LDLRAD2: variants seen among roughly 807,000 people sequenced by gnomAD.
LDLRAD2 encodes the protein low-density lipoprotein receptor class A domain-containing protein 2.
Under a neutral mutation model 24.9 loss-of-function variants are expected in LDLRAD2, and 25 were observed. The ratio of observed to expected loss-of-function variants is 1.00; its 90% CI spans 0.73 to 1.40. The LOEUF (loss-of-function observed/expected upper bound fraction) is 1.40. Ranked by LOEUF, LDLRAD2 falls within the 40% of genes most tolerant of loss-of-function variation. LDLRAD2 has a pLI of 0.00. For missense variants in LDLRAD2, 391 were observed against 366.2 expected (o/e 1.07, Z -0.55); for synonymous variants, 182 against 166.7 (o/e 1.09, Z -0.71).
rs113946932 is a variant in LDLRAD2 at position 21,822,573 on chromosome 1, G to A, written c.*358G>A. On this transcript the variant is annotated 3_prime_UTR_variant, in exon 5 of 5. Coordinates refer to ENST00000344642, the MANE Select transcript of LDLRAD2 (RefSeq NM_001013693.3). ...ATGTGGCCTGGGGTGGGCGGGGCCC[G>A]GTGGGCGGGGCCCTATCAGTGCTGG... is the stretch of plus-strand genomic sequence containing the variant. 13 of 320,112 alleles carry A rather than the reference G, an allele frequency of 4.1e-5. No homozygotes were observed. Among genetic ancestry groups the A allele is most frequent in the African/African-American group, 1.1e-4 (5 of 46,476 alleles). The allele number at this position is 320,112 out of a possible 1,614,324, so 19.8% of individuals were successfully genotyped here. A position where few individuals can be genotyped will look rare whatever the true frequency, so the allele number is the denominator to read the frequency against.
In LDLRAD2 at chr1:21,823,546, G is replaced by C; in HGVS notation, c.*1331G>C. ...CTCCAGCAGCCCAGGAGGCGAGGAA[G>C]GCTGGGCGAGCTCTAGCCCTAAGGG... On this transcript the variant is annotated 3_prime_UTR_variant, in exon 5 of 5. Transcript: ENST00000344642. 2 of 1,609,316 alleles carry C rather than the reference G, an allele frequency of 1.2e-6. No homozygotes were observed.
rs2097966479 is a variant in LDLRAD2, at chr1:21,825,094, G to A, written c.*2879G>A. 1 of 423,050 alleles carries A rather than the reference G, an allele frequency of 2.4e-6. No individual in the cohort carries two copies. The highest frequency in any genetic ancestry group is 2.0e-5 in the African/African-American group (1 of 49,908). 26.2% of individuals were successfully genotyped at this position (423,050 alleles called of 1,614,324 possible). On this transcript the variant is annotated 3_prime_UTR_variant, in exon 5 of 5. Transcript: ENST00000344642. ...AGTATTTGCTTATCACATGACAGTA[G>A]CTGCAAATATTTCAAAATATCATTT...
chr1:21,821,493 T>A lies in LDLRAD2; in HGVS notation c.687T>A (p.His229Gln), dbSNP rs1488340942. 6.2e-7 allele frequency: 1 copy of A among 1,614,096 alleles called. No homozygotes were observed. Among genetic ancestry groups the A allele is most frequent in the South Asian group, 1.1e-5 (1 of 91,078 alleles). Residue 229 changes from histidine (H) to glutamine (Q), a missense_variant, in exon 4 of 5, where the codon CAT becomes CAA. By Grantham distance (24) the His-to-Gln change is conservative. Coordinates refer to ENST00000344642, the MANE Select transcript of LDLRAD2 (RefSeq NM_001013693.3). ...VPSQTGSTDA[H>Q]TSRSLTPSPA... The stretch of plus-strand genomic sequence containing the variant: ...GCCAGACAGGAAGTACAGATGCCCA[T>A]ACCTCCAGATCCCTGACTCCCTCCC...
chr1:21,814,539 G>C lies in LDLRAD2; in HGVS notation c.227G>C (p.Arg76Pro). 6.2e-7 allele frequency: 1 copy of C among 1,612,402 alleles called. No homozygotes were observed. Among genetic ancestry groups the C allele is most frequent in the Non-Finnish European group, 8.5e-7 (1 of 1,179,552 alleles). ...LWVQAAAPGD[R>P]IRFQFRFFLV... Reference sequence around the variant, plus strand: ...GTGCAGGCGGCAGCCCCCGGCGACCGGATCCGCTTCCAGTTCCGCTTCTTC... The same window carrying C: ...GTGCAGGCGGCAGCCCCCGGCGACCCGATCCGCTTCCAGTTCCGCTTCTTC... The change falls in exon 2 of 5, where the codon CGG becomes CCG. Residue 76 changes from arginine (R) to proline (P), a missense_variant. Physicochemically the swap from Arg to Pro is moderately radical, Grantham distance 103. Coordinates refer to ENST00000344642, the MANE Select transcript of LDLRAD2 (RefSeq NM_001013693.3).
chr1:21,814,498 C>T lies in LDLRAD2; in HGVS notation c.186C>T (p.Thr62=). 3 of 1,612,578 alleles carry T rather than the reference C, an allele frequency of 1.9e-6. No homozygotes were observed. The highest frequency in any genetic ancestry group is 2.5e-6 in the Non-Finnish European group (3 of 1,179,736). The change falls in exon 2 of 5, where the codon ACC becomes ACT. Residue 62 remains threonine (T), a synonymous_variant. Transcript: ENST00000344642. The part of the protein sequence containing the change: ...SRRFYFVAPD[T]DCGLWVQAAA... ...GGTTCTACTTCGTGGCTCCGGACAC[C>T]GACTGCGGGCTCTGGGTGCAGGCGG...
chr1:21,821,385 T>C, intron 3 of LDLRAD2, 65 bp from the exon 4 acceptor site: 1 of 1,594,358 alleles, frequency 6.3e-7, no homozygotes, highest in Non-Finnish European at 8.6e-7. Context: ...GAGGATTGAA[T>C]GAAACACACA....
intron 1 of LDLRAD2, 34 bp from the exon 2 acceptor site, chr1:21,814,356 GGTCGCGCC>G (rs1557653842): frequency 4.0e-6 from 6 of 1,507,496 alleles, no homozygotes. Flanking sequence ...TAGAGTTCGG[GGTCGCGCC>G]GCGCGGCTCC....
Position 21,824,139 on chromosome 1 carries a change from T to C in LDLRAD2, c.*1924T>C, listed in dbSNP as rs2097961169. The C allele has an allele frequency of 1.2e-6, 2 of 1,613,278 alleles. No individual in the cohort carries two copies. On this transcript the variant is annotated 3_prime_UTR_variant, in exon 5 of 5. Transcript: ENST00000344642. The surrounding 1 kb of genome is among the most constrained non-coding windows in gnomAD (Gnocchi z 5.9). ...CCCTTACCGCAGTGCTGTCACCCGG[T>C]GCCACTCGCCGTCATTGATGGGGTC...
At chr1:21,813,289 G>A (rs909214351) in intron 1 of LDLRAD2, among the ~76,000 whole-genome samples, 5 of 150,750 alleles carry the variant, frequency 3.3e-5, no homozygotes, top group Admixed American at 1.3e-4. Flanking sequence ...GAGAGACTCC[G>A]TCTCAAAGAA....
chr1:21,822,058 C>T (rs1426458246), intron 4 of LDLRAD2, 144 bp from the exon 5 acceptor site: 13 of 1,514,154 alleles, frequency 8.6e-6, no homozygotes, highest in Admixed American at 4.1e-5. Context: ...TGGACAGGCC[C>T]CCTAACCCTC....
intron 1 of LDLRAD2, among the ~76,000 whole-genome samples, chr1:21,813,348 C>T (rs1230009213): frequency 1.3e-5 from 2 of 152,082 alleles, no homozygotes; most frequent in Non-Finnish European, 2.9e-5. Flanking sequence ...AAACTCCATG[C>T]CTGCCCTGTG....
intron 3 of LDLRAD2, among the ~76,000 whole-genome samples, chr1:21,818,123 C>A (rs558044213): frequency 2.8e-4 from 10 of 35,692 alleles, no homozygotes; most frequent in African/African-American, 1.2e-3. Flanking sequence ...GTGATCCACC[C>A]GCCTTGGCCT....
chr1:21,819,629 TG>T (rs965494000), intron 3 of LDLRAD2, among the ~76,000 whole-genome samples: 8 of 3,468 alleles, frequency 2.3e-3, no homozygotes, highest in African/African-American at 0.016. Context: ...CACTAGGGGC[TG>T]GGGGGGTGGG....
rs768395176 is a variant in LDLRAD2, at chr1:21,824,376, C to T, written c.*2161C>T. On this transcript the variant is annotated 3_prime_UTR_variant, in exon 5 of 5. Transcript: ENST00000344642. This position sits in a 1 kb window ranked among gnomAD's most constrained non-coding sequence, Gnocchi z 5.9. ...TTGCCTTGGCCGGCCTCTCCCACCTCCTGCCAGGGAAGCACAGGGTCTCTG... is the reference window on the plus strand; with the variant it reads ...TTGCCTTGGCCGGCCTCTCCCACCTTCTGCCAGGGAAGCACAGGGTCTCTG... 1 of 1,613,794 alleles carries T rather than the reference C, an allele frequency of 6.2e-7. No individual in the cohort carries two copies. Among genetic ancestry groups the T allele is most frequent in the African/African-American group, 1.3e-5 (1 of 74,938 alleles).
At position 21,816,075 on chromosome 1, in the gene LDLRAD2, G is replaced by T; in HGVS notation, c.643+1G>T. The T allele has an allele frequency of 6.2e-7, 1 of 1,612,698 alleles. No individual in the cohort carries two copies. On this transcript the variant is annotated splice_donor_variant, in intron 3 of 4. Transcript: ENST00000344642. LOFTEE classifies it high-confidence loss of function. ...TCCTGGTCACCAGCTGACTGCAGAG[G>T]TCAGTGCGGGGTGTGGACTGGGCCC...
intron 1 of LDLRAD2, among the ~76,000 whole-genome samples, chr1:21,814,016 G>C (rs987733825): frequency 6.6e-6 from 1 of 152,086 alleles, no homozygotes; most frequent in East Asian, 1.9e-4. Context: ...GATTACAGGT[G>C]CGCACCACCA....
At chr1:21,820,190 T>C (rs111656904) in intron 3 of LDLRAD2, among the ~76,000 whole-genome samples, 6,293 of 152,310 alleles carry the variant, frequency 0.041, 433 homozygotes, top group African/African-American at 0.14. Context: ...CACTGAACTG[T>C]ACCCCTAACC....
rs552631601 is a variant in LDLRAD2, at chr1:21,823,238, T to C, written c.*1023T>C. 7.9e-6 allele frequency: 10 copies of C among 1,264,800 alleles called. No homozygotes were observed. The East Asian group carries it at 2.4e-4, about 30-fold the overall frequency. The allele number at this position is 1,264,800 out of a possible 1,614,324, so 78.3% of individuals were successfully genotyped here. ...CGCCTCGGTTTCTTACAAAAATTCA[T>C]AATAATATTAATAATAATATACTCG... On this transcript the variant is annotated 3_prime_UTR_variant, in exon 5 of 5. Coordinates refer to ENST00000344642, the MANE Select transcript of LDLRAD2 (RefSeq NM_001013693.3).
rs1460238447 is a variant in LDLRAD2, at chr1:21,823,064, C to T, written c.*849C>T. ...TTCTGGGCCCACCCAGCCACTGTTCCTGACCCCAAGTCCTGGTGACTTTCT... is the reference window on the plus strand; with the variant it reads ...TTCTGGGCCCACCCAGCCACTGTTCTTGACCCCAAGTCCTGGTGACTTTCT... On this transcript the variant is annotated 3_prime_UTR_variant, in exon 5 of 5. Coordinates refer to ENST00000344642, the MANE Select transcript of LDLRAD2 (RefSeq NM_001013693.3). The T allele has an allele frequency of 7.4e-6, 3 of 407,924 alleles. No individual in the cohort carries two copies. The highest frequency in any genetic ancestry group is 1.3e-5 in the Non-Finnish European group (3 of 231,486). 25.3% of individuals were successfully genotyped at this position (407,924 alleles called of 1,614,324 possible).
Sources: allele counts gnomAD v4.1 joint callset (sites outside exome capture counted in the v4.1 genomes callset), GRCh38; gene constraint gnomAD v4.1.1; non-coding constraint Gnocchi (gnomAD v3.1); transcripts MANE v1.5; gene names NCBI Gene and HGNC (gene_info 2026-07-23, HGNC 2026-07-21).